The following ARHGAP24 variants were observed in gnomAD, a reference collection of about 807,000 sequenced individuals.
The protein encoded by ARHGAP24 is Rho GTPase activating protein 24.
ARHGAP24 carries 50 observed loss-of-function variants against 76.4 expected under a neutral mutation model. The observed-to-expected ratio is 0.65, with a 90% CI of 0.52 to 0.83. The LOEUF (loss-of-function observed/expected upper bound fraction) is 0.83, where lower values mean the gene tolerates loss of function less well. ARHGAP24 is among the 40% of genes least tolerant of loss of function. The pLI is 0.00. For missense variants in ARHGAP24, 930 were observed against 914.2 expected, an observed-to-expected ratio of 1.02 and a Z score of -0.22; for synonymous variants, 345 against 323.3, an observed-to-expected ratio of 1.07 and a Z score of -0.72.
chr4:85,876,237 T>C (rs900420504), intron 3 of ARHGAP24, among the ~76,000 whole-genome samples: 20 of 152,190 alleles, frequency 1.3e-4, no homozygotes, highest in African/African-American at 4.6e-4. Flanking sequence ...AAGCTTGTTA[T>C]ATTTTCAGTT....
chr4:85,527,794 A>G (rs1427269709), intron 1 of ARHGAP24, among the ~76,000 whole-genome samples: 1 of 152,116 alleles, frequency 6.6e-6, no homozygotes, highest in Non-Finnish European at 1.5e-5. Flanking sequence ...TGTATTTTAA[A>G]TGACTCTTGA....
At chr4:85,710,005 G>GA (rs200769655) in intron 2 of ARHGAP24, among the ~76,000 whole-genome samples, 1 of 151,932 alleles carries the variant, frequency 6.6e-6, no homozygotes, top group African/African-American at 2.4e-5. Context: ...CTCTGAACTA[G>GA]AAAAAAACTA....
chr4:85,759,444 C>T (rs1256475825), intron 3 of ARHGAP24, among the ~76,000 whole-genome samples: 1 of 152,030 alleles, frequency 6.6e-6, no homozygotes, highest in East Asian at 1.9e-4. Context: ...TAGTCAATAC[C>T]ACCTTGATTA....
chr4:85,898,591 C>T (rs998000599), intron 3 of ARHGAP24, among the ~76,000 whole-genome samples: 7 of 152,186 alleles, frequency 4.6e-5, no homozygotes, highest in Non-Finnish European at 2.9e-5. Context: ...TGAGTTAAGA[C>T]TGACGCACTT....
At chr4:85,826,973 T>A (rs1255498624) in intron 3 of ARHGAP24, among the ~76,000 whole-genome samples, 2 of 152,222 alleles carry the variant, frequency 1.3e-5, no homozygotes, top group Non-Finnish European at 2.9e-5. Flanking sequence ...TTGTTCCTTC[T>A]CCACTTCTAA....
chr4:85,745,505 C>T (rs1229654358), intron 3 of ARHGAP24, among the ~76,000 whole-genome samples: 1 of 148,884 alleles, frequency 6.7e-6, no homozygotes, highest in Non-Finnish European at 1.5e-5. Context: ...GCAAGAGGAT[C>T]CCTTCACTCC....
At chr4:85,694,240 CTCT>C (rs1723787535) in intron 2 of ARHGAP24, among the ~76,000 whole-genome samples, 1 of 152,028 alleles carries the variant, frequency 6.6e-6, no homozygotes, top group South Asian at 2.1e-4. Flanking sequence ...TTCTCTTCAG[CTCT>C]TCTTTAATTT....
intron 2 of ARHGAP24, among the ~76,000 whole-genome samples, chr4:85,657,126 C>T (rs765345742): frequency 3.3e-5 from 5 of 151,772 alleles, no homozygotes; most frequent in Non-Finnish European, 7.4e-5. Flanking sequence ...TGTTTTCAGA[C>T]ATAAGAATTG....
In ARHGAP24 at chr4:85,629,752, T is replaced by C. The variant is rs570096754; in HGVS notation, c.180+59031T>C. Among the ~76,000 whole-genome samples, 5 of 152,312 alleles carry C rather than the reference T, an allele frequency of 3.3e-5. No individual in the cohort carries two copies. In the South Asian group the frequency reaches 1.0e-3, roughly 32 times the overall value. ...TGAATGTGATGAGTTACTTCTCTCTTACTGCTTTCCAAATTCTATCTTTGT... is the reference window on the plus strand; with the variant it reads ...TGAATGTGATGAGTTACTTCTCTCTCACTGCTTTCCAAATTCTATCTTTGT... On this transcript the variant is annotated intron_variant, in intron 2 of 9. Coordinates refer to ENST00000395184, the MANE Select transcript of ARHGAP24 (RefSeq NM_001025616.3).
intron 3 of ARHGAP24, among the ~76,000 whole-genome samples, chr4:85,894,524 G>A (rs1734030905): frequency 6.6e-6 from 1 of 152,212 alleles, no homozygotes; most frequent in East Asian, 1.9e-4. Flanking sequence ...AAGATTGATA[G>A]TGAACATTTT....
At chr4:85,791,671 A>T (rs766413970) in intron 3 of ARHGAP24, among the ~76,000 whole-genome samples, 1 of 152,186 alleles carries the variant, frequency 6.6e-6, no homozygotes, top group Non-Finnish European at 1.5e-5. Context: ...TCATGGAAGC[A>T]CATATTGAGG....
intron 2 of ARHGAP24, among the ~76,000 whole-genome samples, chr4:85,689,798 A>G (rs906914190): frequency 6.6e-6 from 1 of 152,168 alleles, no homozygotes; most frequent in Non-Finnish European, 1.5e-5. Context: ...ATAGAATCAC[A>G]CAGTCCTCAA....
chr4:85,576,741 A>T (rs1027838000), intron 2 of ARHGAP24, among the ~76,000 whole-genome samples: 1 of 152,194 alleles, frequency 6.6e-6, no homozygotes, highest in African/African-American at 2.4e-5. Flanking sequence ...AGTATTATTC[A>T]TATAAAATAT....
chr4:85,992,889 C>G (rs1227724669), intron 8 of ARHGAP24, among the ~76,000 whole-genome samples: 1 of 151,972 alleles, frequency 6.6e-6, no homozygotes, highest in Non-Finnish European at 1.5e-5. Flanking sequence ...TTAAAACTAT[C>G]CCAAGTTTAC....
intron 3 of ARHGAP24, among the ~76,000 whole-genome samples, chr4:85,741,656 G>A (rs1450912303): frequency 3.3e-5 from 5 of 152,184 alleles, no homozygotes; most frequent in African/African-American, 9.7e-5. Flanking sequence ...TCTTTCCCTG[G>A]AGTTGGAGGG....
chr4:85,847,526 C>CA (rs2110156704), intron 3 of ARHGAP24, among the ~76,000 whole-genome samples: 1 of 152,158 alleles, frequency 6.6e-6, no homozygotes, highest in South Asian at 2.1e-4. Flanking sequence ...TTCTTTTATG[C>CA]AAATGGTCAA....
At chr4:85,530,221 G>A (rs570522744) in intron 1 of ARHGAP24, among the ~76,000 whole-genome samples, 1 of 152,030 alleles carries the variant, frequency 6.6e-6, no homozygotes, top group South Asian at 2.1e-4. Flanking sequence ...GTATAAAATA[G>A]TAAAAGAGCA....
chr4:85,719,918 T>G (rs1724864232), intron 2 of ARHGAP24, among the ~76,000 whole-genome samples: 1 of 152,138 alleles, frequency 6.6e-6, no homozygotes, highest in Non-Finnish European at 1.5e-5. Flanking sequence ...GGAAAGAATG[T>G]TGTCCTAAGG....
intron 2 of ARHGAP24, among the ~76,000 whole-genome samples, chr4:85,663,724 A>C (rs1266527627): frequency 2.0e-5 from 3 of 151,706 alleles, no homozygotes; most frequent in Admixed American, 6.6e-5. Context: ...AGTTTTTAGC[A>C]TGAAGGGTTG....
Sources: allele counts gnomAD v4.1 joint callset (sites outside exome capture counted in the v4.1 genomes callset), GRCh38; gene constraint gnomAD v4.1.1; transcripts MANE v1.5; gene names NCBI Gene and HGNC (gene_info 2026-07-23, HGNC 2026-07-21).